SSBP2: variants seen among roughly 807,000 people sequenced by gnomAD.
SSBP2 encodes the protein single-stranded DNA-binding protein 2.
A neutral mutation model predicts 61.8 loss-of-function variants in SSBP2; 17 were observed. The ratio of observed to expected loss-of-function variants is 0.28; its 90% CI spans 0.19 to 0.41. SSBP2 has a LOEUF of 0.41. SSBP2 is among the 10% of genes least tolerant of loss of function. The pLI, the probability that SSBP2 is intolerant of heterozygous loss-of-function variation, is 1.00. For missense variants in SSBP2, 310 were observed against 458.7 expected (o/e 0.68, Z 2.96); for synonymous variants, 139 against 141.3 (o/e 0.98, Z 0.12).
intron 4 of SSBP2, among the ~76,000 whole-genome samples, chr5:81,560,877 T>G (rs1043030368): frequency 2.0e-5 from 3 of 152,198 alleles, no homozygotes; most frequent in African/African-American, 7.2e-5. Flanking sequence ...TAAGACCTAC[T>G]GTCTTAACAA....
At chr5:81,485,047 TC>T (rs956721367) in intron 6 of SSBP2, among the ~76,000 whole-genome samples, 12 of 152,182 alleles carry the variant, frequency 7.9e-5, no homozygotes, top group African/African-American at 2.9e-4. Flanking sequence ...TGTCTTGATT[TC>T]CTCAAGATAG....
chr5:81,473,672 C>G (rs1294161935), intron 8 of SSBP2, 28 bp downstream of exon 8: 4 of 1,608,714 alleles, frequency 2.5e-6, no homozygotes, highest in Admixed American at 3.3e-5. Context: ...CATATCTTTG[C>G]TATTGTAAAT....
At chr5:81,516,066 T>C (rs977698778) in intron 4 of SSBP2, among the ~76,000 whole-genome samples, 1 of 152,048 alleles carries the variant, frequency 6.6e-6, no homozygotes, top group African/African-American at 2.4e-5. Context: ...AAACAAAATA[T>C]ATTTATCCAT....
upstream of SSBP2, chr5:81,751,332 A>C (rs1581482075): frequency 3.0e-5 from 12 of 404,072 alleles, no homozygotes; most frequent in African/African-American, 1.1e-4. Context: ...TCCTCCCTCC[A>C]CCCGCTCTCC....
intron 4 of SSBP2, among the ~76,000 whole-genome samples, chr5:81,515,803 G>A (rs1054570515): frequency 1.2e-4 from 18 of 150,848 alleles, no homozygotes; most frequent in Admixed American, 3.3e-4. Context: ...TTGCTATTAC[G>A]TAAAAGCAAA....
At chr5:81,707,905 A>C (rs1177181223) in intron 1 of SSBP2, among the ~76,000 whole-genome samples, 2 of 152,182 alleles carry the variant, frequency 1.3e-5, no homozygotes, top group African/African-American at 4.8e-5. Flanking sequence ...ATCACCAAAG[A>C]TTTGCAATTT....
chr5:81,583,185 C>A (rs1774791945), intron 4 of SSBP2, among the ~76,000 whole-genome samples: 1 of 152,032 alleles, frequency 6.6e-6, no homozygotes, highest in South Asian at 2.1e-4. Flanking sequence ...CTACTGCACT[C>A]CAATGTGGGT....
At chr5:81,727,315 C>T (rs1303081463) in intron 1 of SSBP2, among the ~76,000 whole-genome samples, 4 of 152,076 alleles carry the variant, frequency 2.6e-5, no homozygotes, top group African/African-American at 4.8e-5. Flanking sequence ...TTTGGGAGGC[C>T]GAGGCAGGCA....
intron 10 of SSBP2, among the ~76,000 whole-genome samples, chr5:81,455,982 A>G (rs1764116275): frequency 6.6e-6 from 1 of 152,202 alleles, no homozygotes; most frequent in Non-Finnish European, 1.5e-5. Flanking sequence ...AACATTTTAG[A>G]TAAGTGCCTT....
At chr5:81,694,023 A>G (rs919089445) in intron 1 of SSBP2, among the ~76,000 whole-genome samples, 7 of 152,246 alleles carry the variant, frequency 4.6e-5, no homozygotes, top group African/African-American at 1.4e-4. Context: ...CTGTCATTTC[A>G]ACAACATGGA....
At chr5:81,628,963 C>CT (rs1475120293) in intron 3 of SSBP2, among the ~76,000 whole-genome samples, 2 of 152,132 alleles carry the variant, frequency 1.3e-5, no homozygotes, top group African/African-American at 4.8e-5. Context: ...CTACTAGTCT[C>CT]TGCCTCTTTT....
intron 4 of SSBP2, among the ~76,000 whole-genome samples, chr5:81,550,797 T>G (rs1210783343): frequency 6.6e-6 from 1 of 152,052 alleles, no homozygotes; most frequent in Non-Finnish European, 1.5e-5. Flanking sequence ...ATAAAAGAAG[T>G]TTAGAAATCA....
At chr5:81,458,238 C>G (rs911468648) in intron 10 of SSBP2, among the ~76,000 whole-genome samples, 1 of 152,058 alleles carries the variant, frequency 6.6e-6, no homozygotes, top group African/African-American at 2.4e-5. Flanking sequence ...ATTATTGAGC[C>G]AATTAGTGAA....
intron 4 of SSBP2, among the ~76,000 whole-genome samples, chr5:81,563,842 T>C (rs1341144980): frequency 6.6e-6 from 1 of 152,066 alleles, no homozygotes; most frequent in Non-Finnish European, 1.5e-5. Context: ...AATGATTTCA[T>C]GGACATGACA....
intron 4 of SSBP2, among the ~76,000 whole-genome samples, chr5:81,559,467 A>G (rs1038070908): frequency 6.6e-6 from 1 of 151,968 alleles, no homozygotes; most frequent in African/African-American, 2.4e-5. Flanking sequence ...AGGCAGGAGA[A>G]TAACTTGAAC....
intron 1 of SSBP2, among the ~76,000 whole-genome samples, chr5:81,735,725 T>A (rs1428418135): frequency 6.6e-6 from 1 of 152,152 alleles, no homozygotes; most frequent in African/African-American, 2.4e-5. Flanking sequence ...TAATAAAGAA[T>A]TCATGCTTTA....
rs916534664 is a variant in SSBP2 at position 81,636,607 on chromosome 5, T to C, written c.147A>G (p.Glu49=). 3 of 1,610,772 alleles carry C rather than the reference T, an allele frequency of 1.9e-6. No homozygotes were observed. Among genetic ancestry groups the C allele is most frequent in the South Asian group, 1.1e-5 (1 of 90,612 alleles). ...GTGGTTCCCCCAATGTGATGTTTTTTTCCCATCTTATCTAAAATGAATAAA... is the reference window on the plus strand; with the variant it reads ...GTGGTTCCCCCAATGTGATGTTTTTCTCCCATCTTATCTAAAATGAATAAA... Residue 49 remains glutamate (E), a synonymous_variant, in exon 3 of 17, where the codon GAA becomes GAG. Coordinates refer to ENST00000320672, the MANE Select transcript of SSBP2 (RefSeq NM_012446.5).
intron 4 of SSBP2, among the ~76,000 whole-genome samples, chr5:81,568,268 A>G (rs1023456133): frequency 1.3e-5 from 2 of 152,268 alleles, no homozygotes; most frequent in South Asian, 4.1e-4. Flanking sequence ...GCTTTCCCCA[A>G]AACTGTTCTT....
At chr5:81,428,503 T>C (rs1762091126) in intron 16 of SSBP2, 82 bp downstream of exon 16, 1 of 1,012,560 alleles carries the variant, frequency 9.9e-7, no homozygotes, top group African/African-American at 1.6e-5. Flanking sequence ...TAAACAGCAG[T>C]AAAAGTGGCT....
Sources: allele counts gnomAD v4.1 joint callset (sites outside exome capture counted in the v4.1 genomes callset), GRCh38; gene constraint gnomAD v4.1.1; transcripts MANE v1.5; gene names NCBI Gene and HGNC (gene_info 2026-07-23, HGNC 2026-07-21).